KHDRBS3: variants seen among roughly 807,000 people sequenced by gnomAD.
The protein encoded by KHDRBS3 is KH RNA binding domain containing, signal transduction associated 3.
In KHDRBS3, 23 loss-of-function variants were observed where a neutral mutation model predicts 45.6. The ratio of observed to expected loss-of-function variants is 0.50; its 90% CI spans 0.36 to 0.72. KHDRBS3 has a LOEUF of 0.72. Ranked by LOEUF, KHDRBS3 falls within the 30% of genes least tolerant of loss-of-function variation. The pLI, the probability that KHDRBS3 is intolerant of heterozygous loss-of-function variation, is 0.00. For synonymous variants in KHDRBS3, 162 were observed against 156.5 expected (o/e 1.04, Z -0.26); for missense variants, 352 against 424.8 (o/e 0.83, Z 1.51).
At chr8:135,597,730 A>T (rs1467361076) in intron 6 of KHDRBS3, among the ~76,000 whole-genome samples, 1 of 152,198 alleles carries the variant, frequency 6.6e-6, no homozygotes, top group Admixed American at 6.5e-5. Context: ...GCTTCCCAGG[A>T]TAGATGGAAA....
chr8:135,464,122 G>A (rs915191834), intron 1 of KHDRBS3, among the ~76,000 whole-genome samples: 2 of 150,012 alleles, frequency 1.3e-5, no homozygotes, highest in Non-Finnish European at 3.0e-5. Flanking sequence ...GCAGTATTTT[G>A]TTAAGATACT....
At chr8:135,541,809 G>C (rs533000129) in intron 2 of KHDRBS3, 1 of 152,240 alleles carries the variant, frequency 6.6e-6, no homozygotes, top group African/African-American at 2.4e-5. Context: ...TATTCAAGAT[G>C]TATGTATTGA....
chr8:135,650,362 C>T (rs1041476004), downstream of KHDRBS3, among the ~76,000 whole-genome samples: 1 of 152,196 alleles, frequency 6.6e-6, no homozygotes, highest in African/African-American at 2.4e-5. Flanking sequence ...ATCCTCCACC[C>T]TCTCTAAAGA....
At chr8:135,546,518 A>G (rs1563758571) in intron 3 of KHDRBS3, among the ~76,000 whole-genome samples, 1 of 152,166 alleles carries the variant, frequency 6.6e-6, no homozygotes, top group African/African-American at 2.4e-5. Context: ...TTCATGCTGG[A>G]TGTTTTGCCT....
chr8:135,547,503 A>G (rs576146173), intron 3 of KHDRBS3, among the ~76,000 whole-genome samples: 71 of 152,220 alleles, frequency 4.7e-4, no homozygotes, highest in Non-Finnish European at 9.1e-4. Flanking sequence ...AGTGACTGGC[A>G]TAGCTGAGAT....
At chr8:135,613,317 T>A (rs1829780909) in intron 7 of KHDRBS3, among the ~76,000 whole-genome samples, 1 of 151,840 alleles carries the variant, frequency 6.6e-6, no homozygotes, top group African/African-American at 2.4e-5. Context: ...ATTTACTGGC[T>A]CTGTAATTTG....
chr8:135,628,878 C>T (rs934469715), intron 7 of KHDRBS3, among the ~76,000 whole-genome samples: 8 of 152,214 alleles, frequency 5.3e-5, no homozygotes, highest in Non-Finnish European at 1.0e-4. Context: ...AAAGCAAGAA[C>T]TTTCTGGCAG....
chr8:135,457,945 G>A lies in KHDRBS3; in HGVS notation c.79G>A (p.Val27Met). The A allele has an allele frequency of 6.3e-7, 1 of 1,595,482 alleles. No homozygotes were observed. The highest frequency in any genetic ancestry group is 8.5e-7 in the Non-Finnish European group (1 of 1,171,914). ...DPSFTHALRLVNQEIEKFQKG... is the reference protein window; with the variant it reads ...DPSFTHALRLMNQEIEKFQKG... ...CTCCTTCACGCACGCCCTGCGCCTG[G>A]TGAACCAAGGTGAGGCGCCGGCCGT... The change falls in exon 1 of 9, where the codon GTG becomes ATG. Residue 27 changes from valine to methionine, a missense_variant. Val to Met is a conservative substitution (Grantham distance 21, BLOSUM62 1). Coordinates refer to ENST00000355849, the MANE Select transcript of KHDRBS3 (RefSeq NM_006558.3). This position sits in a 1 kb window ranked among gnomAD's most constrained non-coding sequence, Gnocchi z 4.4.
At position 135,611,929 on chromosome 8, in the gene KHDRBS3, C is replaced by G. The variant is rs918066367; in HGVS notation, c.890+4892C>G. Reference sequence around the variant, plus strand: ...CAGATTTTCAGATCATCCCCAGTATCGAATAGTAGACATTAACAAGGAAAT... The same window carrying G: ...CAGATTTTCAGATCATCCCCAGTATGGAATAGTAGACATTAACAAGGAAAT... On this transcript the variant is annotated intron_variant, in intron 7 of 8. Coordinates refer to ENST00000355849, the MANE Select transcript of KHDRBS3 (RefSeq NM_006558.3). Among the ~76,000 whole-genome samples, 6 of 151,778 alleles carry G rather than the reference C, an allele frequency of 4.0e-5. 1 individual carries two copies. The highest frequency in any genetic ancestry group is 3.3e-4 in the Admixed American group (5 of 15,254).
At chr8:135,577,722 G>A (rs752607711) in intron 5 of KHDRBS3, among the ~76,000 whole-genome samples, 6 of 152,230 alleles carry the variant, frequency 3.9e-5, no homozygotes, top group Non-Finnish European at 7.4e-5. Context: ...AAGTTTTTAT[G>A]TAGGCATACA....
intron 7 of KHDRBS3, among the ~76,000 whole-genome samples, chr8:135,613,561 G>C (rs903459441): frequency 6.6e-6 from 1 of 151,636 alleles, no homozygotes; most frequent in African/African-American, 2.4e-5. Flanking sequence ...GTGTGAGCCC[G>C]AGTTCCTGCC....
At chr8:135,481,703 G>T (rs531425327) in intron 1 of KHDRBS3, among the ~76,000 whole-genome samples, 1 of 152,136 alleles carries the variant, frequency 6.6e-6, no homozygotes, top group Admixed American at 6.5e-5. Flanking sequence ...TTACATCGTC[G>T]ACTAACGTTG....
rs1563803952 is a variant in KHDRBS3, at chr8:135,609,555, A to AGGTGT, written c.890+2518_890+2519insGGTGT. On this transcript the variant is annotated intron_variant, in intron 7 of 8. Coordinates refer to ENST00000355849, the MANE Select transcript of KHDRBS3 (RefSeq NM_006558.3). ...AGCAGTGTGCCCACCTTGGCCTCCA[A>AGGTGT]AAGAGCTGGGATTACAGGTGTGAGC... 2.3e-4 allele frequency among the ~76,000 whole-genome samples: 35 copies of AGGTGT among 152,040 alleles called. 1 individual carries two copies. The highest frequency in any genetic ancestry group is 7.5e-4 in the African/African-American group (31 of 41,386).
At chr8:135,465,589 C>G (rs1484524184) in intron 1 of KHDRBS3, among the ~76,000 whole-genome samples, 5 of 152,144 alleles carry the variant, frequency 3.3e-5, no homozygotes, top group Admixed American at 1.3e-4. Flanking sequence ...CTATTCAAGA[C>G]ACAGCACCTG....
exon 5 of KHDRBS3, chr8:135,656,233 C>T (rs1218868420): frequency 1.3e-5 from 2 of 152,120 alleles, no homozygotes; most frequent in African/African-American, 4.8e-5. Flanking sequence ...CAGGAACTTT[C>T]CTTCTATTTA....
chr8:135,596,537 T>G (rs909651466), intron 6 of KHDRBS3, among the ~76,000 whole-genome samples: 1 of 152,146 alleles, frequency 6.6e-6, no homozygotes, highest in African/African-American at 2.4e-5. Context: ...TATAGCAACA[T>G]AGTCCTGAAA....
Position 135,645,238 on chromosome 8 carries a change from T to C in KHDRBS3, c.949+121T>C, listed in dbSNP as rs1327933091. 4 of 926,710 alleles carry C rather than the reference T, an allele frequency of 4.3e-6. No individual in the cohort carries two copies. In the Admixed American group the frequency reaches 7.9e-5, roughly 18 times the overall value. The allele number at this position is 926,710 out of a possible 1,614,324, so 57.4% of individuals were successfully genotyped here. Reference sequence around the variant, plus strand: ...CTCTGAAACAGCAGCTTCCTGTCAATTCATTTGTGCATGTCTAGCTATTTT... The same window carrying C: ...CTCTGAAACAGCAGCTTCCTGTCAACTCATTTGTGCATGTCTAGCTATTTT... On this transcript the variant is annotated intron_variant, in intron 8 of 8. Coordinates refer to ENST00000355849, the MANE Select transcript of KHDRBS3 (RefSeq NM_006558.3).
chr8:135,613,844 GA>G (rs1269146379), intron 7 of KHDRBS3, among the ~76,000 whole-genome samples: 1 of 151,622 alleles, frequency 6.6e-6, no homozygotes, highest in Non-Finnish European at 1.5e-5. Flanking sequence ...CTGTTGTGTG[GA>G]AGGGCTTCTT....
At chr8:135,607,941 A>G (rs985221267) in intron 7 of KHDRBS3, among the ~76,000 whole-genome samples, 1 of 152,196 alleles carries the variant, frequency 6.6e-6, no homozygotes, top group African/African-American at 2.4e-5. Flanking sequence ...TTATTCTTCT[A>G]TAACTTGTAA....
Sources: allele counts gnomAD v4.1 joint callset (sites outside exome capture counted in the v4.1 genomes callset), GRCh38; gene constraint gnomAD v4.1.1; non-coding constraint Gnocchi (gnomAD v3.1); transcripts MANE v1.5; gene names NCBI Gene and HGNC (gene_info 2026-07-23, HGNC 2026-07-21).